MCF2L2: variants seen among roughly 807,000 people sequenced by gnomAD.
The protein encoded by MCF2L2 is MCF.2 cell line derived transforming sequence-like 2.
MCF2L2 carries 102 observed loss-of-function variants against 150.2 expected under a neutral mutation model. The observed-to-expected ratio is 0.68, with a 90% confidence interval of 0.58 to 0.80. The LOEUF (loss-of-function observed/expected upper bound fraction) is 0.80. MCF2L2 is among the 30% of genes least tolerant of loss of function. The probability of loss-of-function intolerance (pLI) is 0.00; values close to 1 mark genes in which losing one functional copy is unlikely to be tolerated. For missense variants in MCF2L2, 1,256 were observed against 1,372.8 expected (o/e 0.91, Z 1.34); for synonymous variants, 465 against 491.3 (o/e 0.95, Z 0.71).
chr3:183,412,149 G>C (rs1261337660), intron 1 of MCF2L2, among the ~76,000 whole-genome samples: 2 of 152,150 alleles, frequency 1.3e-5, no homozygotes, highest in Non-Finnish European at 2.9e-5. Context: ...CAAATAAGAA[G>C]CAATCACCTA....
chr3:183,303,492 G>A (rs565702527), intron 10 of MCF2L2, among the ~76,000 whole-genome samples: 4 of 152,258 alleles, frequency 2.6e-5, no homozygotes, highest in East Asian at 1.9e-4. Context: ...AAGGAGTCAC[G>A]GTAACTCCAG....
chr3:183,352,649 C>T (rs976294416), intron 3 of MCF2L2, among the ~76,000 whole-genome samples: 4 of 152,148 alleles, frequency 2.6e-5, no homozygotes, highest in Non-Finnish European at 5.9e-5. Flanking sequence ...CAAAGAACAG[C>T]GCTTTGAGGG....
intron 1 of MCF2L2, among the ~76,000 whole-genome samples, chr3:183,409,559 T>C (rs1458216661): frequency 1.3e-5 from 2 of 150,350 alleles, no homozygotes; most frequent in Middle Eastern, 3.4e-3. Flanking sequence ...TTCTTTTTTT[T>C]TTTTTTTTTT....
intron 21 of MCF2L2, among the ~76,000 whole-genome samples, chr3:183,219,603 T>A (rs954134289): frequency 8.6e-6 from 1 of 116,388 alleles, no homozygotes; most frequent in Non-Finnish European, 2.0e-5. Flanking sequence ...GGAGTGAGAC[T>A]TTGTCTAAAA....
intron 14 of MCF2L2, among the ~76,000 whole-genome samples, chr3:183,278,082 G>A (rs143753001): frequency 0.026 from 3,890 of 151,506 alleles, 174 homozygotes; most frequent in African/African-American, 0.087. Context: ...TATTTGGGAG[G>A]CTGAGGCAGG....
chr3:183,224,242 TG>T, intron 18 of MCF2L2, 52 bp from the exon 19 acceptor site: 1 of 1,147,224 alleles, frequency 8.7e-7, no homozygotes, highest in Non-Finnish European at 1.3e-6. Context: ...TTTCAGTAAG[TG>T]GACAGGATGA....
chr3:183,240,602 ACT>A (rs1413574533), intron 15 of MCF2L2, among the ~76,000 whole-genome samples: 1 of 151,742 alleles, frequency 6.6e-6, no homozygotes, highest in Non-Finnish European at 1.5e-5. Context: ...AGAGTTTAAG[ACT>A]CTCTGTTCAT....
intron 11 of MCF2L2, chr3:183,297,617 C>T (rs545807188): frequency 1.9e-4 from 24 of 129,456 alleles, no homozygotes; most frequent in Non-Finnish European, 3.5e-4. Flanking sequence ...TGCCACCACA[C>T]CAGGCTAATT....
chr3:183,270,277 A>G lies in MCF2L2; in HGVS notation c.1862+6595T>C, dbSNP rs1726631954. 3 of 1,614,052 alleles carry G rather than the reference A, an allele frequency of 1.9e-6. No homozygotes were observed. Among genetic ancestry groups the G allele is most frequent in the East Asian group, 2.2e-5 (1 of 44,904 alleles). ...AGGTACAATGATATAATTCAGCAAG[A>G]CTTTGTTGATTCTTTCTACAATCTT... On this transcript the variant is annotated intron_variant, in intron 15 of 29. Transcript: ENST00000328913. The surrounding 1 kb of genome is among the most constrained non-coding windows in gnomAD (Gnocchi z 4.5).
chr3:183,422,718 T>C (rs1031335195), intron 1 of MCF2L2, among the ~76,000 whole-genome samples: 21 of 152,348 alleles, frequency 1.4e-4, no homozygotes, highest in African/African-American at 3.4e-4. Flanking sequence ...TCAGGTACCA[T>C]AGACACTCAC....
intron 5 of MCF2L2, among the ~76,000 whole-genome samples, chr3:183,326,517 C>CAAAAACA (rs1730044421): frequency 9.8e-6 from 1 of 101,864 alleles, no homozygotes; most frequent in Non-Finnish European, 2.0e-5. Context: ...AAAAAAAAAA[C>CAAAAACA]AAAAAAAAAC....
At position 183,276,874 on chromosome 3, in the gene MCF2L2, G is replaced by T; in HGVS notation, c.1860C>A (p.Arg620=). 6.2e-7 allele frequency: 1 copy of T among 1,606,618 alleles called. No homozygotes were observed. Among genetic ancestry groups the T allele is most frequent in the Non-Finnish European group, 8.5e-7 (1 of 1,175,944 alleles). The change falls in exon 15 of 30, where the codon CGC becomes CGA. Residue 620 remains arginine, a splice_region_variant and synonymous_variant. Coordinates refer to ENST00000328913, the MANE Select transcript of MCF2L2 (RefSeq NM_015078.4). The part of the protein sequence containing the change: ...QQARLGDLSP[R]RRIIRDLLET... ...CACCCACGGATGTGCAGTCTTACCT[G>T]CGGGGGGAAAGGTCTCCGAGCCTGG...
At chr3:183,398,953 A>C (rs1241123848) in intron 1 of MCF2L2, among the ~76,000 whole-genome samples, 1 of 152,196 alleles carries the variant, frequency 6.6e-6, no homozygotes, top group Admixed American at 6.5e-5. Context: ...TAGGATTTGG[A>C]AATCTTACTC....
intron 12 of MCF2L2, 177 bp downstream of exon 12, chr3:183,296,799 T>A (rs972446217): frequency 1.7e-6 from 1 of 597,420 alleles, no homozygotes; most frequent in East Asian, 2.8e-5. Flanking sequence ...GAAGACTCAG[T>A]ATGCCAGGAC....
At chr3:183,192,414 T>C (rs1043508841) in intron 27 of MCF2L2, among the ~76,000 whole-genome samples, 9 of 152,272 alleles carry the variant, frequency 5.9e-5, no homozygotes, top group Middle Eastern at 3.4e-3. Context: ...GCTGGGATTA[T>C]AGGCGTGAGC....
chr3:183,334,386 C>T (rs1730385840), intron 5 of MCF2L2, among the ~76,000 whole-genome samples: 1 of 152,088 alleles, frequency 6.6e-6, no homozygotes, highest in Non-Finnish European at 1.5e-5. Flanking sequence ...AAGTGGACAA[C>T]ACTTTGACTA....
intron 10 of MCF2L2, among the ~76,000 whole-genome samples, chr3:183,306,644 T>A (rs947288946): frequency 6.6e-6 from 1 of 152,128 alleles, no homozygotes. Context: ...GTGGGCCAGA[T>A]GAAACAAGAA....
At chr3:183,309,271 T>G (rs1729249109) in intron 10 of MCF2L2, among the ~76,000 whole-genome samples, 1 of 152,148 alleles carries the variant, frequency 6.6e-6, no homozygotes, top group African/African-American at 2.4e-5. Context: ...TAGTTGTTTT[T>G]TTTTTTCTGG....
At chr3:183,418,787 C>A (rs531366550) in intron 1 of MCF2L2, among the ~76,000 whole-genome samples, 1 of 152,346 alleles carries the variant, frequency 6.6e-6, no homozygotes, top group East Asian at 1.9e-4. Context: ...CCCTGTGGCT[C>A]TGCAGGGTAC....
Sources: gnomAD v4.1 joint callset for allele counts (sites outside exome capture counted in the v4.1 genomes callset) on GRCh38, gnomAD v4.1.1 for gene constraint, Gnocchi (gnomAD v3.1) non-coding constraint, MANE v1.5 for transcripts, NCBI Gene and HGNC (gene_info 2026-07-23, HGNC 2026-07-21) for gene names.